Variants in IGF1R observed in about 807,000 individuals in gnomAD.
IGF1R encodes insulin like growth factor 1 receptor.
A neutral mutation model predicts 144.6 loss-of-function variants in IGF1R; 44 were observed. The ratio of observed to expected loss-of-function variants is 0.30; its 90% CI spans 0.24 to 0.39. The LOEUF is 0.39. Among genes scored for constraint, IGF1R ranks in the 10% least tolerant of loss-of-function variants. The pLI, the probability that IGF1R is intolerant of heterozygous loss-of-function variation, is 1.00. For missense variants in IGF1R, 1,355 were observed against 1,833.7 expected (o/e 0.74, Z 4.77); for synonymous variants, 795 against 722.8 (o/e 1.10, Z -1.60).
chr15:98,731,435 G>T (rs570114619), intron 2 of IGF1R, among the ~76,000 whole-genome samples: 1 of 152,130 alleles, frequency 6.6e-6, no homozygotes, highest in Admixed American at 6.5e-5. Flanking sequence ...ATATGACTTT[G>T]GTTCATTCTC....
intron 11 of IGF1R, among the ~76,000 whole-genome samples, chr15:98,922,985 G>C (rs1478724028): frequency 6.6e-6 from 1 of 152,204 alleles, no homozygotes; most frequent in Non-Finnish European, 1.5e-5. Context: ...CTGTCCTTTA[G>C]TAGGCCTCAG....
At chr15:98,701,879 C>T (rs1457615944) in intron 1 of IGF1R, among the ~76,000 whole-genome samples, 1 of 152,062 alleles carries the variant, frequency 6.6e-6, no homozygotes, top group Admixed American at 6.5e-5. Context: ...TTTGCAGTAA[C>T]ACAAAAGCAC....
intron 2 of IGF1R, among the ~76,000 whole-genome samples, chr15:98,851,063 A>G (rs767411227): frequency 3.3e-5 from 5 of 152,198 alleles, no homozygotes; most frequent in Non-Finnish European, 7.3e-5. Context: ...TCCTGCAGGA[A>G]GTGGGCTGGC....
At chr15:98,909,357 C>T (rs1249001426) in intron 6 of IGF1R, among the ~76,000 whole-genome samples, 3 of 148,488 alleles carry the variant, frequency 2.0e-5, no homozygotes, top group Middle Eastern at 3.3e-3. Context: ...CACCTCGGTT[C>T]AAGCGGTTCT....
chr15:98,854,359 A>G (rs1427967098), intron 2 of IGF1R, among the ~76,000 whole-genome samples: 2 of 152,188 alleles, frequency 1.3e-5, no homozygotes, highest in African/African-American at 4.8e-5. Flanking sequence ...AGATGAGCAC[A>G]GTGATGTCTA....
chr15:98,892,859 A>T (rs1043451981), intron 3 of IGF1R, among the ~76,000 whole-genome samples: 8 of 151,774 alleles, frequency 5.3e-5, no homozygotes, highest in East Asian at 3.9e-4. Flanking sequence ...ACAAAAGATT[A>T]AAAAAAAATT....
Position 98,959,564 on chromosome 15 carries a change from G to A in IGF1R, c.*2122G>A, listed in dbSNP as rs1274684559. On this transcript the variant is annotated 3_prime_UTR_variant, in exon 21 of 21. Coordinates refer to ENST00000650285, the MANE Select transcript of IGF1R (RefSeq NM_000875.5). ...CCCAAGAGCCCCTTTGCTTCTTGCT[G>A]GGGGACCAGGGCTGTGGTGCTGGCC... The A allele has an allele frequency of 1.3e-5, 3 of 233,636 alleles. No homozygotes were observed. The East Asian group carries it at 1.8e-4, about 14-fold the overall frequency. 14.5% of individuals were successfully genotyped at this position (233,636 alleles called of 1,614,324 possible). A position where few individuals can be genotyped will look rare whatever the true frequency, so the allele number is the denominator to read the frequency against.
chr15:98,939,266 C>T lies in IGF1R; in HGVS notation c.3363C>T (p.Asp1121=), dbSNP rs45549135. The T allele has an allele frequency of 1.7e-5, 28 of 1,613,582 alleles. No homozygotes were observed. The highest frequency in any genetic ancestry group is 8.8e-5 in the South Asian group (8 of 91,068). The stretch of plus-strand genomic sequence containing the variant: ...TTCAGATGGCCGGAGAGATTGCAGA[C>T]GGCATGGCATACCTCAACGCCAATA... The part of the protein sequence containing the change: ...KMIQMAGEIA[D]GMAYLNANKF... Residue 1121 remains aspartate (D), a synonymous_variant, in exon 18 of 21, where the codon GAC becomes GAT. Coordinates refer to ENST00000650285, the MANE Select transcript of IGF1R (RefSeq NM_000875.5).
At chr15:98,811,701 C>T (rs1343104610) in intron 2 of IGF1R, among the ~76,000 whole-genome samples, 1 of 151,862 alleles carries the variant, frequency 6.6e-6, no homozygotes, top group Non-Finnish European at 1.5e-5. Flanking sequence ...CCGAGGCGGG[C>T]GGATCACGAG....
intron 2 of IGF1R, among the ~76,000 whole-genome samples, chr15:98,840,716 C>G (rs2011159323): frequency 1.3e-5 from 2 of 149,858 alleles, no homozygotes; most frequent in South Asian, 4.2e-4. Context: ...TGCTCTGTCA[C>G]CGAGGTTGGA....
At chr15:98,953,609 C>T (rs1233453830) in intron 20 of IGF1R, among the ~76,000 whole-genome samples, 1 of 152,130 alleles carries the variant, frequency 6.6e-6, no homozygotes, top group Non-Finnish European at 1.5e-5. Context: ...GTGAACGCAG[C>T]CGTGGAAGAC....
intron 2 of IGF1R, among the ~76,000 whole-genome samples, chr15:98,846,049 C>T (rs1464596621): frequency 6.6e-6 from 1 of 152,146 alleles, no homozygotes; most frequent in African/African-American, 2.4e-5. Context: ...TTCTAAAAGA[C>T]AGTAATAATT....
chr15:98,678,628 T>G (rs2053107784), intron 1 of IGF1R, among the ~76,000 whole-genome samples: 1 of 152,114 alleles, frequency 6.6e-6, no homozygotes, highest in Non-Finnish European at 1.5e-5. Context: ...TCCTCCCACC[T>G]CAGCCTCCCT....
intron 2 of IGF1R, among the ~76,000 whole-genome samples, chr15:98,885,505 G>A (rs866458266): frequency 2.0e-5 from 3 of 152,128 alleles, no homozygotes; most frequent in Non-Finnish European, 4.4e-5. Flanking sequence ...ATGCACTTTG[G>A]AGGTTGAAGC....
At chr15:98,706,897 T>C (rs915318274) in intron 1 of IGF1R, among the ~76,000 whole-genome samples, 10 of 151,312 alleles carry the variant, frequency 6.6e-5, no homozygotes, top group African/African-American at 2.4e-4. Flanking sequence ...AAACTTAAAG[T>C]TGGAGTTTAT....
chr15:98,810,150 C>T (rs527677931), intron 2 of IGF1R, among the ~76,000 whole-genome samples: 3 of 47,464 alleles, frequency 6.3e-5, no homozygotes, highest in East Asian at 4.3e-4. Context: ...GGGTGGCTGG[C>T]GGAGGGGGTG....
intron 2 of IGF1R, among the ~76,000 whole-genome samples, chr15:98,769,708 G>A (rs1415308337): frequency 6.6e-6 from 1 of 152,218 alleles, no homozygotes; most frequent in Admixed American, 6.5e-5. Flanking sequence ...GGGACTTATC[G>A]ACAGTTCCGT....
chr15:98,686,860 C>G (rs764836743), intron 1 of IGF1R, among the ~76,000 whole-genome samples: 45 of 152,146 alleles, frequency 3.0e-4, no homozygotes, highest in African/African-American at 1.1e-3. Flanking sequence ...TGTAGAGATG[C>G]GGTCTTGGTA....
intron 2 of IGF1R, among the ~76,000 whole-genome samples, chr15:98,730,381 A>G (rs1417660983): frequency 6.6e-6 from 1 of 152,202 alleles, no homozygotes; most frequent in Non-Finnish European, 1.5e-5. Flanking sequence ...GTACCACGAT[A>G]CTTTCTTCTA....
Sources: gnomAD v4.1 joint callset for allele counts (sites outside exome capture counted in the v4.1 genomes callset) on GRCh38, gnomAD v4.1.1 for gene constraint, MANE v1.5 for transcripts, NCBI Gene and HGNC (gene_info 2026-07-23, HGNC 2026-07-21) for gene names.